The following LRP2 variants were observed in gnomAD, a reference collection of about 807,000 sequenced individuals.
The protein encoded by LRP2 is LDL receptor related protein 2, also known as low-density lipoprotein receptor-related protein 2.
A neutral mutation model predicts 531.0 loss-of-function variants in LRP2; 172 were observed. The ratio of observed to expected loss-of-function variants is 0.32; its 90% CI spans 0.29 to 0.37. The LOEUF (loss-of-function observed/expected upper bound fraction) is 0.37, where lower values mean the gene tolerates loss of function less well. LRP2 is among the 10% of genes least tolerant of loss of function. The pLI, the probability that LRP2 is intolerant of heterozygous loss-of-function variation, is 1.00. For synonymous variants in LRP2, 1,992 were observed against 2,027.6 expected (o/e 0.98, Z 0.47); for missense variants, 5,167 against 5,868.3 (o/e 0.88, Z 3.90).
chr2:169,186,504 T>C (rs1279776448), intron 49 of LRP2, among the ~76,000 whole-genome samples: 1 of 152,188 alleles, frequency 6.6e-6, no homozygotes, highest in African/African-American at 2.4e-5. Context: ...CTGTAACACA[T>C]GGGCAACCTC....
In LRP2 at chr2:169,247,462, C is replaced by A; in HGVS notation, c.2824G>T (p.Ala942Ser). Residue 942 changes from alanine (A) to serine (S), a missense_variant, in exon 20 of 79, where the codon GCA becomes TCA. By Grantham distance (99) the Ala-to-Ser change is moderately conservative (BLOSUM62 1). This residue lies in a region of LRP2 where 2,811 missense variants were observed against 3,058.0 expected (regional missense o/e 0.92). Transcript: ENST00000649046. The stretch of plus-strand genomic sequence containing the variant: ...ATAACTGTCATTTCTCCACCATCTG[C>A]TTTCCTGACTCGAATAATGGCACCC... ...RLGAIIRVRK[A>S]DGGEMTVIRS... is the part of the protein sequence containing the mutation. 6.2e-7 allele frequency: 1 copy of A among 1,614,186 alleles called. No individual in the cohort carries two copies. Among genetic ancestry groups the A allele is most frequent in the Non-Finnish European group, 8.5e-7 (1 of 1,180,022 alleles).
chr2:169,303,410 T>C (rs867461657), intron 4 of LRP2, among the ~76,000 whole-genome samples: 2 of 152,310 alleles, frequency 1.3e-5, no homozygotes, highest in South Asian at 2.1e-4. Context: ...CTGGTCCTCA[T>C]ACCCACCTTG....
chr2:169,254,643 T>TAAAAAAAAAAAAAAAAAAAAAAAAAA (rs528767921), intron 19 of LRP2, among the ~76,000 whole-genome samples: 1 of 73,258 alleles, frequency 1.4e-5, no homozygotes, highest in African/African-American at 6.0e-5. Flanking sequence ...TAGAGTATAA[T>TAAAAAAAAAAAAAAAAAAAAAAAAAA]AAAAAAAAAA....
intron 69 of LRP2, 106 bp from the exon 70 acceptor site, chr2:169,146,029 C>T (rs770723051): frequency 5.8e-5 from 59 of 1,017,186 alleles, no homozygotes; most frequent in Non-Finnish European, 8.0e-5. Context: ...TTGAATTATT[C>T]CCTCATACAA....
intron 37 of LRP2, 132 bp from the exon 38 acceptor site, chr2:169,209,773 T>C (rs1688529182): frequency 2.4e-5 from 21 of 878,522 alleles, no homozygotes; most frequent in Non-Finnish European, 3.5e-5. Context: ...ATGAAACCCT[T>C]TTTTCCCAGT....
intron 35 of LRP2, among the ~76,000 whole-genome samples, chr2:169,214,389 G>T (rs1688704380): frequency 6.6e-6 from 1 of 152,160 alleles, no homozygotes; most frequent in South Asian, 2.1e-4. Flanking sequence ...CACTGGAAAA[G>T]AACTACAAGA....
intron 1 of LRP2, among the ~76,000 whole-genome samples, chr2:169,321,358 T>G (rs1245379779): frequency 6.6e-6 from 1 of 151,330 alleles, no homozygotes; most frequent in African/African-American, 2.4e-5. Flanking sequence ...ATTAGTAACT[T>G]AAAAAATGGT....
rs754232428 is a variant in LRP2, at chr2:169,204,011, T to C, written c.7976A>G (p.Asn2659Ser). 3 of 1,614,090 alleles carry C rather than the reference T, an allele frequency of 1.9e-6. No homozygotes were observed. Among genetic ancestry groups the C allele is most frequent in the Non-Finnish European group, 2.5e-6 (3 of 1,180,028 alleles). Reference protein sequence around the residue: ...QQCNNPCEQFNGGCSHICAPG... With the variant: ...QQCNNPCEQFSGGCSHICAPG... ...TGCACAGATATGGCTGCAGCCCCCATTAAACTGTTCACAAGGATTGTTACA... is the reference window on the plus strand; with the variant it reads ...TGCACAGATATGGCTGCAGCCCCCACTAAACTGTTCACAAGGATTGTTACA... The change falls in exon 42 of 79, where the codon AAT becomes AGT. Residue 2659 changes from asparagine to serine, a missense_variant. By Grantham distance (46) the Asn-to-Ser change is conservative. Transcript: ENST00000649046.
chr2:169,137,068 C>T (rs1250295544), intron 76 of LRP2, among the ~76,000 whole-genome samples: 2 of 152,258 alleles, frequency 1.3e-5, no homozygotes, highest in African/African-American at 2.4e-5. Flanking sequence ...AGCTGTGGTG[C>T]TTCAGGCACT....
At chr2:169,191,767 G>A in intron 48 of LRP2, 65 bp downstream of exon 48, 3 of 1,418,670 alleles carry the variant, frequency 2.1e-6, no homozygotes, top group Non-Finnish European at 3.0e-6. Context: ...TGCCTGATAG[G>A]TAAGTGAGCC....
intron 3 of LRP2, among the ~76,000 whole-genome samples, chr2:169,308,137 C>T (rs193266677): frequency 1.3e-5 from 2 of 152,156 alleles, no homozygotes; most frequent in East Asian, 3.9e-4. Context: ...AAAACGTGAT[C>T]ATCTAAAAAA....
intron 16 of LRP2, among the ~76,000 whole-genome samples, chr2:169,263,264 G>A (rs1690646717): frequency 6.6e-6 from 1 of 152,118 alleles, no homozygotes; most frequent in Admixed American, 6.6e-5. Context: ...TTAAACTAAA[G>A]AGCTTCTGCA....
At chr2:169,157,828 T>G (rs1346150178) in intron 63 of LRP2, among the ~76,000 whole-genome samples, 1 of 151,796 alleles carries the variant, frequency 6.6e-6, no homozygotes, top group Non-Finnish European at 1.5e-5. Context: ...TATTACCACC[T>G]GCTCTACTAT....
intron 1 of LRP2, among the ~76,000 whole-genome samples, chr2:169,361,148 CACAG>C (rs1259852197): frequency 6.6e-6 from 1 of 152,062 alleles, no homozygotes; most frequent in African/African-American, 2.4e-5. Context: ...CTCCCATCCC[CACAG>C]ACAGATTAGT....
At chr2:169,347,340 G>A (rs1368696297) in intron 1 of LRP2, among the ~76,000 whole-genome samples, 1 of 152,152 alleles carries the variant, frequency 6.6e-6, no homozygotes, top group African/African-American at 2.4e-5. Context: ...CCAGCACATA[G>A]GAAATGTCTT....
intron 1 of LRP2, among the ~76,000 whole-genome samples, chr2:169,342,042 C>T (rs1685577003): frequency 6.6e-6 from 1 of 152,032 alleles, no homozygotes; most frequent in African/African-American, 2.4e-5. Context: ...GGCAGGGATA[C>T]TCAGGCATTG....
intron 4 of LRP2, among the ~76,000 whole-genome samples, chr2:169,304,825 C>T (rs1294032150): frequency 6.6e-6 from 1 of 152,098 alleles, no homozygotes; most frequent in Non-Finnish European, 1.5e-5. Context: ...AAATGCCTAT[C>T]AATGATAGAC....
intron 25 of LRP2, among the ~76,000 whole-genome samples, chr2:169,240,012 AAC>A (rs1415116887): frequency 6.6e-6 from 1 of 152,194 alleles, no homozygotes; most frequent in African/African-American, 2.4e-5. Context: ...TCTTCACTAC[AAC>A]CCAATAGTAT....
At chr2:169,134,387 A>G (rs1048672374) in intron 76 of LRP2, among the ~76,000 whole-genome samples, 2 of 152,138 alleles carry the variant, frequency 1.3e-5, no homozygotes, top group South Asian at 2.1e-4. Flanking sequence ...TTTCTGGCCC[A>G]GACTTCAATC....
Sources: gnomAD v4.1 joint callset for allele counts (sites outside exome capture counted in the v4.1 genomes callset) on GRCh38, gnomAD v4.1.1 for gene constraint, gnomAD v4.1.1 regional missense constraint, MANE v1.5 for transcripts, NCBI Gene and HGNC (gene_info 2026-07-23, HGNC 2026-07-21) for gene names.